The following PTPRO variants were observed in gnomAD, a reference collection of about 807,000 sequenced individuals.
PTPRO encodes protein tyrosine phosphatase receptor type O.
Under a neutral mutation model 145.2 loss-of-function variants are expected in PTPRO, and 62 were observed. That is an observed-to-expected ratio of 0.43 (90% CI 0.35 to 0.53). The LOEUF is 0.53. Ranked by LOEUF, PTPRO falls within the 20% of genes least tolerant of loss-of-function variation. The pLI, the probability that PTPRO is intolerant of heterozygous loss-of-function variation, is 0.01. For synonymous variants in PTPRO, 565 were observed against 514.7 expected (o/e 1.10, Z -1.32); for missense variants, 1,345 against 1,482.7 (o/e 0.91, Z 1.53).
chr12:15,474,952 A>T (rs1472794964), intron 1 of PTPRO, among the ~76,000 whole-genome samples: 2 of 152,210 alleles, frequency 1.3e-5, no homozygotes, highest in Non-Finnish European at 2.9e-5. Context: ...TAGTCGCACC[A>T]ACTGAATCTG....
At chr12:15,523,582 C>T (rs917153518) in intron 10 of PTPRO, among the ~76,000 whole-genome samples, 11 of 151,946 alleles carry the variant, frequency 7.2e-5, no homozygotes, top group Non-Finnish European at 1.3e-4. Flanking sequence ...CAAGACAAGT[C>T]TAGGCAATAT....
At chr12:15,330,980 AC>A (rs1050524596) in intron 1 of PTPRO, among the ~76,000 whole-genome samples, 1 of 152,036 alleles carries the variant, frequency 6.6e-6, no homozygotes, top group Non-Finnish European at 1.5e-5. Flanking sequence ...ATAAACAAAA[AC>A]AGGTACTTGA....
At chr12:15,503,852 C>T (rs1399921942) in intron 5 of PTPRO, 56 bp from the exon 6 acceptor site, 14 of 1,443,530 alleles carry the variant, frequency 9.7e-6, no homozygotes, top group Non-Finnish European at 1.9e-6. Context: ...TTGTCTATAC[C>T]CAGGGCCTTT....
rs142866910 is a variant in PTPRO, at chr12:15,429,915, G to A, written c.76-54059G>A. 2.0e-3 allele frequency among the ~76,000 whole-genome samples: 302 copies of A among 152,226 alleles called. 7 individuals carry two copies. In the East Asian group the frequency reaches 0.042, roughly 21 times the overall value. On this transcript the variant is annotated intron_variant, in intron 1 of 26. Transcript: ENST00000281171. ...AAAGAGTGAAGGTAAGAGAGGAGTT[G>A]AAGGTGATTCCCACATTTCCAGATT...
Position 15,524,834 on chromosome 12 carries a change from A to G in PTPRO, c.1912A>G (p.Thr638Ala), listed in dbSNP as rs756707998. 5.0e-6 allele frequency: 8 copies of G among 1,613,534 alleles called. No homozygotes were observed. Among genetic ancestry groups the G allele is most frequent in the Non-Finnish European group, 6.8e-6 (8 of 1,179,474 alleles). Residue 638 changes from threonine (T) to alanine (A), a missense_variant, in exon 11 of 27, where the codon ACT becomes GCT. By Grantham distance (58) the Thr-to-Ala change is moderately conservative. Around this residue, in one of 3 missense-constraint regions of PTPRO, gnomAD observed 1,130 missense variants for 1,214.7 expected, o/e 0.93. Coordinates refer to ENST00000281171, the MANE Select transcript of PTPRO (RefSeq NM_030667.3). ...FITAPVAPEI[T>A]SVEYFNSLLY... ...TGTAGCCCCAGTGGCTCCGGAAATC[A>G]CTTCTGTGGAATATTTCAACAGTCT...
At chr12:15,478,591 T>C (rs1163130092) in intron 1 of PTPRO, among the ~76,000 whole-genome samples, 1 of 152,156 alleles carries the variant, frequency 6.6e-6, no homozygotes, top group Non-Finnish European at 1.5e-5. Flanking sequence ...GAGAGTTCTG[T>C]TTACCCTATT....
chr12:15,393,417 G>A (rs571394191), intron 1 of PTPRO, among the ~76,000 whole-genome samples: 1 of 152,210 alleles, frequency 6.6e-6, no homozygotes, highest in Non-Finnish European at 1.5e-5. Flanking sequence ...ATATTGAATA[G>A]CACATTCATA....
intron 1 of PTPRO, among the ~76,000 whole-genome samples, chr12:15,441,016 A>G (rs551318797): frequency 2.5e-4 from 38 of 152,312 alleles, no homozygotes; most frequent in Admixed American, 5.2e-4. Context: ...AACTAGACCT[A>G]ATGAAGGTCT....
At chr12:15,549,494 T>C (rs1026309598) in intron 14 of PTPRO, among the ~76,000 whole-genome samples, 7 of 152,166 alleles carry the variant, frequency 4.6e-5, no homozygotes, top group Non-Finnish European at 1.0e-4. Context: ...ATCCTTAGTA[T>C]ATGCTGTCTA....
chr12:15,580,970 C>T, intron 22 of PTPRO, 139 bp downstream of exon 22: 2 of 1,228,308 alleles, frequency 1.6e-6, no homozygotes, highest in African/African-American at 1.5e-5. Context: ...ATTCGGGAAG[C>T]AAGAATTAGA....
At chr12:15,407,716 A>G (rs1939686576) in intron 1 of PTPRO, among the ~76,000 whole-genome samples, 1 of 152,212 alleles carries the variant, frequency 6.6e-6, no homozygotes, top group South Asian at 2.1e-4. Flanking sequence ...TTATTCTGAA[A>G]ATTGAGCAAT....
At chr12:15,401,928 G>A (rs958430506) in intron 1 of PTPRO, among the ~76,000 whole-genome samples, 7 of 152,068 alleles carry the variant, frequency 4.6e-5, no homozygotes, top group African/African-American at 9.7e-5. Context: ...CCTCTTAAAC[G>A]CAGAAATGGT....
chr12:15,506,763 C>G (rs549522354), intron 6 of PTPRO, among the ~76,000 whole-genome samples: 4 of 152,282 alleles, frequency 2.6e-5, no homozygotes, highest in South Asian at 4.1e-4. Flanking sequence ...AGTGGGGACA[C>G]AGAGCCAAAC....
intron 1 of PTPRO, among the ~76,000 whole-genome samples, chr12:15,420,361 A>G (rs1294860945): frequency 3.3e-5 from 5 of 151,364 alleles, no homozygotes. Flanking sequence ...CTTCATACCT[A>G]ATCCTCCACC....
chr12:15,452,278 T>C (rs1401333590), intron 1 of PTPRO, among the ~76,000 whole-genome samples: 2 of 152,068 alleles, frequency 1.3e-5, no homozygotes, highest in African/African-American at 4.8e-5. Context: ...TATACAACCC[T>C]CCTAGCTTAA....
intron 1 of PTPRO, among the ~76,000 whole-genome samples, chr12:15,426,296 TA>T (rs1255323627): frequency 1.3e-5 from 2 of 151,962 alleles, no homozygotes; most frequent in Admixed American, 1.3e-4. Flanking sequence ...ATTATCTTAT[TA>T]ATTCTAGTAG....
intron 1 of PTPRO, among the ~76,000 whole-genome samples, chr12:15,420,708 G>A (rs1591796287): frequency 6.6e-6 from 1 of 152,308 alleles, no homozygotes; most frequent in South Asian, 2.1e-4. Flanking sequence ...TAACATGGTG[G>A]CTAAATGAGT....
intron 1 of PTPRO, among the ~76,000 whole-genome samples, chr12:15,393,300 G>A (rs1939242013): frequency 6.6e-6 from 1 of 152,102 alleles, no homozygotes; most frequent in Admixed American, 6.5e-5. Context: ...AGCAAATGAT[G>A]CCATAGCTAT....
chr12:15,417,172 T>C (rs1343181388), intron 1 of PTPRO, among the ~76,000 whole-genome samples: 1 of 151,580 alleles, frequency 6.6e-6, no homozygotes, highest in Non-Finnish European at 1.5e-5. Flanking sequence ...CAATACTACC[T>C]GTGCAAATAC....
Sources: allele counts gnomAD v4.1 joint callset (sites outside exome capture counted in the v4.1 genomes callset), GRCh38; gene constraint gnomAD v4.1.1; regional missense constraint gnomAD v4.1.1; transcripts MANE v1.5; gene names NCBI Gene and HGNC (gene_info 2026-07-23, HGNC 2026-07-21).